Variants in KAZN observed in about 807,000 individuals in gnomAD.
The protein encoded by KAZN is kazrin, periplakin interacting protein.
In KAZN, 40 loss-of-function variants were observed where a neutral mutation model predicts 87.4. That is an observed-to-expected ratio of 0.46 (90% CI 0.36 to 0.60). The LOEUF is 0.60. Ranked by LOEUF, KAZN falls within the 20% of genes least tolerant of loss-of-function variation. The pLI, the probability that KAZN is intolerant of heterozygous loss-of-function variation, is 0.00. For synonymous variants in KAZN, 466 were observed against 458.3 expected, an observed-to-expected ratio of 1.02 and a Z score of -0.22; for missense variants, 898 against 1,073.9, an observed-to-expected ratio of 0.84 and a Z score of 2.29.
upstream of KAZN, chr1:14,598,581 G>T: frequency 2.4e-6 from 2 of 844,582 alleles, no homozygotes; most frequent in Non-Finnish European, 2.9e-6. The surrounding 1 kb of genome is among the most constrained non-coding windows in gnomAD (Gnocchi z 4.2). Flanking sequence ...AAGTACGGGG[G>T]CGCGGGAGGC....
chr1:13,899,998 A>T (rs1055856049), intron 1 of KAZN, among the ~76,000 whole-genome samples: 4 of 152,126 alleles, frequency 2.6e-5, no homozygotes, highest in Admixed American at 1.3e-4. Flanking sequence ...ATATTGACGC[A>T]TCTGTTTTAG....
intron 2 of KAZN, among the ~76,000 whole-genome samples, chr1:14,217,433 A>ATTTTTTCCACATC (rs1557568567): frequency 6.6e-6 from 1 of 152,146 alleles, no homozygotes; most frequent in Non-Finnish European, 1.5e-5. Context: ...AACCTAAGAA[A>ATTTTTTCCACATC]ATGTCACATG....
At chr1:14,789,523 C>T (rs985988520) in intron 1 of KAZN, among the ~76,000 whole-genome samples, 1 of 152,048 alleles carries the variant, frequency 6.6e-6, no homozygotes, top group Non-Finnish European at 1.5e-5. Context: ...TTCCATCTAT[C>T]GGGACACCCA....
At chr1:14,911,607 G>T (rs1445260079) in intron 1 of KAZN, among the ~76,000 whole-genome samples, 1 of 152,220 alleles carries the variant, frequency 6.6e-6, no homozygotes, top group African/African-American at 2.4e-5. Flanking sequence ...CACTGGGAGA[G>T]CCCACACCCT....
At chr1:14,729,680 G>A (rs1186669576) in intron 1 of KAZN, among the ~76,000 whole-genome samples, 1 of 152,096 alleles carries the variant, frequency 6.6e-6, no homozygotes, top group African/African-American at 2.4e-5. Context: ...TTCCTTTGTA[G>A]CAGTCACTGG....
chr1:14,323,507 A>T (rs185228530), intron 2 of KAZN, among the ~76,000 whole-genome samples: 4 of 152,200 alleles, frequency 2.6e-5, no homozygotes, highest in Admixed American at 1.3e-4. Flanking sequence ...GATAGTCTCT[A>T]TGTCAGATCT....
At chr1:14,061,415 G>C (rs1642788830) in intron 1 of KAZN, among the ~76,000 whole-genome samples, 1 of 152,196 alleles carries the variant, frequency 6.6e-6, no homozygotes, top group Non-Finnish European at 1.5e-5. Context: ...GGGTAGAGAG[G>C]GCACAGGCCA....
chr1:14,201,282 T>TC (rs1459965458), intron 2 of KAZN, among the ~76,000 whole-genome samples: 1 of 152,230 alleles, frequency 6.6e-6, no homozygotes, highest in East Asian at 1.9e-4. Flanking sequence ...CAACTCCAAC[T>TC]CAAAGTTTCT....
intron 1 of KAZN, among the ~76,000 whole-genome samples, chr1:14,685,031 T>C (rs1640872782): frequency 1.3e-5 from 2 of 152,000 alleles, no homozygotes; most frequent in Admixed American, 6.6e-5. Flanking sequence ...ATCCCGAGAG[T>C]AAAACTCGTA....
At chr1:14,270,405 A>G (rs1651825538) in intron 2 of KAZN, among the ~76,000 whole-genome samples, 1 of 152,232 alleles carries the variant, frequency 6.6e-6, no homozygotes, top group Admixed American at 6.5e-5. Context: ...ACAGAGCTGC[A>G]TTCCCATCTT....
intron 1 of KAZN, among the ~76,000 whole-genome samples, chr1:14,107,022 TCTCC>T (rs1201366970): frequency 6.4e-5 from 6 of 93,778 alleles, no homozygotes; most frequent in African/African-American, 1.3e-4. Flanking sequence ...CCCCTCCCTC[TCTCC>T]CTCCCTCCCT....
At chr1:14,968,522 C>T (rs1045083098) in intron 2 of KAZN, among the ~76,000 whole-genome samples, 1 of 152,212 alleles carries the variant, frequency 6.6e-6, no homozygotes, top group East Asian at 1.9e-4. Context: ...GAACCAGGCC[C>T]TCTCTTTCCC....
chr1:14,292,001 C>T (rs1178409548), intron 2 of KAZN, among the ~76,000 whole-genome samples: 2 of 152,116 alleles, frequency 1.3e-5, no homozygotes, highest in Non-Finnish European at 2.9e-5. Context: ...TTATAAATTA[C>T]CCAGTCTCGG....
intron 2 of KAZN, among the ~76,000 whole-genome samples, chr1:14,223,418 A>C (rs901997256): frequency 9.9e-5 from 15 of 152,208 alleles, no homozygotes. Flanking sequence ...TGTAAAGCCA[A>C]GCTGTACAAA....
intron 2 of KAZN, among the ~76,000 whole-genome samples, chr1:14,300,887 G>A (rs1157941424): frequency 1.3e-5 from 2 of 152,198 alleles, no homozygotes; most frequent in Non-Finnish European, 2.9e-5. Context: ...CCAAGGGGTA[G>A]GTATAGGGTA....
intron 2 of KAZN, among the ~76,000 whole-genome samples, chr1:14,487,425 T>G (rs1669408264): frequency 6.6e-6 from 1 of 152,154 alleles, no homozygotes; most frequent in African/African-American, 2.4e-5. Flanking sequence ...TCTACCCACC[T>G]CCTTTCTCAT....
At chr1:14,802,554 T>C (rs1017197018) in intron 1 of KAZN, among the ~76,000 whole-genome samples, 1 of 152,142 alleles carries the variant, frequency 6.6e-6, no homozygotes, top group Non-Finnish European at 1.5e-5. Flanking sequence ...ACTGTCCTAC[T>C]ATATGCACGG....
At chr1:14,251,137 TC>T (rs1274151336) in intron 2 of KAZN, among the ~76,000 whole-genome samples, 1 of 152,200 alleles carries the variant, frequency 6.6e-6, no homozygotes, top group Non-Finnish European at 1.5e-5. Flanking sequence ...TCTGGGGTCT[TC>T]CTCATTCCAG....
In KAZN at chr1:15,034,758, C is replaced by T. The variant is rs968412262; in HGVS notation, c.428C>T (p.Ala143Val). 1.9e-6 allele frequency: 3 copies of T among 1,614,196 alleles called. No homozygotes were observed. The Admixed American group carries it at 5.0e-5, about 27-fold the overall frequency. ...TCTCCTTTATCCCCAGCCATGAAAG[C>T]TGATCGGAAGCGCTTAAAGGGCGAG... ...RAKEALQAMK[A>V]DRKRLKGEKT... Residue 143 changes from alanine to valine, a missense_variant, in exon 3 of 15, where the codon GCT becomes GTT. Ala to Val is a moderately conservative substitution (Grantham distance 64). This residue lies in a region of KAZN where 250 missense variants were observed against 263.0 expected (regional missense o/e 0.95). Transcript: ENST00000376030.
Sources: allele counts gnomAD v4.1 joint callset (sites outside exome capture counted in the v4.1 genomes callset), GRCh38; gene constraint gnomAD v4.1.1; regional missense constraint gnomAD v4.1.1; non-coding constraint Gnocchi (gnomAD v3.1); transcripts MANE v1.5; gene names NCBI Gene and HGNC (gene_info 2026-07-23, HGNC 2026-07-21).